The following ST18 variants were observed in gnomAD, a reference collection of about 807,000 sequenced individuals.
ST18 encodes the protein suppression of tumorigenicity 18 protein.
In ST18, 50 loss-of-function variants were observed where a neutral mutation model predicts 110.0. The ratio of observed to expected loss-of-function variants is 0.45; its 90% CI spans 0.36 to 0.58. The LOEUF (loss-of-function observed/expected upper bound fraction) is 0.58. ST18 is among the 20% of genes least tolerant of loss of function. The pLI, the probability that ST18 is intolerant of heterozygous loss-of-function variation, is 0.00. For synonymous variants in ST18, 461 were observed against 452.4 expected (o/e 1.02, Z -0.24); for missense variants, 1,306 against 1,280.1 (o/e 1.02, Z -0.31).
At chr8:52,365,113 T>TA (rs112561534) in intron 2 of ST18, among the ~76,000 whole-genome samples, 146,439 of 149,370 alleles carry the variant, frequency 0.98, 71,825 homozygotes, top group East Asian at 1. Context: ...GACTCTGTCT[T>TA]AAAAAAAAAA....
intron 8 of ST18, chr8:52,206,335 A>C (rs937928331): frequency 6.6e-6 from 1 of 152,254 alleles, no homozygotes; most frequent in Admixed American, 6.5e-5. Flanking sequence ...GCAAATACAT[A>C]AACATACAAG....
At chr8:52,345,658 C>A (rs771403480) in intron 2 of ST18, among the ~76,000 whole-genome samples, 1 of 152,196 alleles carries the variant, frequency 6.6e-6, no homozygotes, top group Non-Finnish European at 1.5e-5. Context: ...TCTACACAGG[C>A]AAAGCATGAC....
intron 8 of ST18, among the ~76,000 whole-genome samples, chr8:52,202,732 T>C (rs1682810555): frequency 6.6e-6 from 1 of 152,182 alleles, no homozygotes; most frequent in South Asian, 2.1e-4. Context: ...ATGCCAGGCA[T>C]GGCCTAGAAC....
At chr8:52,198,767 C>A (rs1455625181) in intron 8 of ST18, among the ~76,000 whole-genome samples, 1 of 152,202 alleles carries the variant, frequency 6.6e-6, no homozygotes, top group Non-Finnish European at 1.5e-5. Flanking sequence ...TTACAAATAA[C>A]TTGAAACAGA....
At chr8:52,263,901 C>G (rs1398029768) in intron 2 of ST18, among the ~76,000 whole-genome samples, 2 of 151,900 alleles carry the variant, frequency 1.3e-5, no homozygotes, top group African/African-American at 4.8e-5. Flanking sequence ...TGGATTCAAG[C>G]TATTCTCCTG....
At chr8:52,325,633 C>A (rs773502151) in intron 2 of ST18, among the ~76,000 whole-genome samples, 1 of 152,060 alleles carries the variant, frequency 6.6e-6, no homozygotes, top group Non-Finnish European at 1.5e-5. Flanking sequence ...CAGAATAATT[C>A]CTCTATGTTT....
chr8:52,382,851 C>T (rs1326796344), intron 2 of ST18, among the ~76,000 whole-genome samples: 1 of 151,644 alleles, frequency 6.6e-6, no homozygotes, highest in Non-Finnish European at 1.5e-5. Flanking sequence ...ACAGCACAGC[C>T]AGGAGAGATG....
intron 3 of ST18, among the ~76,000 whole-genome samples, chr8:52,227,136 G>A (rs956277527): frequency 2.6e-5 from 4 of 152,180 alleles, no homozygotes; most frequent in African/African-American, 9.6e-5. Flanking sequence ...GATTTTTGCA[G>A]AATGATCCTT....
In ST18 at chr8:52,128,227, C is replaced by T. The variant is rs139277502; in HGVS notation, c.2667-2087G>A. Among the ~76,000 whole-genome samples, 1,132 of 152,302 alleles carry T rather than the reference C, an allele frequency of 7.4e-3. 24 individuals are homozygous for T. Among genetic ancestry groups the T allele is most frequent in the African/African-American group, 0.026 (1,068 of 41,566 alleles). ...CAAGTGATCTGCCCGCCTTGGCCTC[C>T]CAAAGTGCTGGGATTACAGGCGTGA... On this transcript the variant is annotated intron_variant, in intron 22 of 25. Coordinates refer to ENST00000689386, the MANE Select transcript of ST18 (RefSeq NM_001352837.2).
intron 25 of ST18, among the ~76,000 whole-genome samples, chr8:52,113,954 GTTTTTTTTTTTTTTTTTTT>G (rs1158213340): frequency 4.6e-3 from 211 of 45,456 alleles, no homozygotes; most frequent in Middle Eastern, 0.033. Flanking sequence ...TTCATACCGT[GTTTTTTTTTTTTTTTTTTT>G]TTTTTTTTTT....
chr8:52,231,240 C>T (rs2091259894), intron 2 of ST18, among the ~76,000 whole-genome samples: 1 of 152,168 alleles, frequency 6.6e-6, no homozygotes, highest in South Asian at 2.1e-4. Context: ...AATGCAGACA[C>T]AGTGTGCCCT....
intron 2 of ST18, among the ~76,000 whole-genome samples, chr8:52,282,159 C>A (rs1318567395): frequency 6.6e-6 from 1 of 152,020 alleles, no homozygotes; most frequent in African/African-American, 2.4e-5. Flanking sequence ...GGGAGAGACA[C>A]CCTTCAATTC....
At chr8:52,295,204 A>G (rs930588639) in intron 2 of ST18, among the ~76,000 whole-genome samples, 3 of 152,222 alleles carry the variant, frequency 2.0e-5, no homozygotes, top group African/African-American at 7.2e-5. Context: ...GCAAAAATAG[A>G]CTTAGATTGG....
chr8:52,366,474 C>T (rs1254236675), intron 2 of ST18, among the ~76,000 whole-genome samples: 1 of 152,184 alleles, frequency 6.6e-6, no homozygotes, highest in African/African-American at 2.4e-5. Flanking sequence ...GCCTCACTGC[C>T]CACTCCAATA....
intron 2 of ST18, among the ~76,000 whole-genome samples, chr8:52,382,271 T>C (rs773654253): frequency 2.6e-5 from 4 of 152,162 alleles, no homozygotes; most frequent in Non-Finnish European, 5.9e-5. Context: ...CATAAATAAA[T>C]AGGGCTAGAG....
intron 9 of ST18, among the ~76,000 whole-genome samples, chr8:52,178,614 C>CAAAAAAAAAAAAAAAAAAAAAAAA (rs869184166): frequency 4.2e-4 from 1 of 2,384 alleles, no homozygotes; most frequent in African/African-American, 2.4e-3. Flanking sequence ...GAGACTCCAT[C>CAAAAAAAAAAAAAAAAAAAAAAAA]AAAAAAAAAA....
chr8:52,199,572 T>C (rs2077273433), intron 8 of ST18: 1 of 152,184 alleles, frequency 6.6e-6, no homozygotes, highest in African/African-American at 2.4e-5. Context: ...AGGCACAAAA[T>C]TATAAAAATT....
intron 2 of ST18, among the ~76,000 whole-genome samples, chr8:52,378,877 T>C (rs1406390836): frequency 1.3e-5 from 2 of 152,138 alleles, no homozygotes; most frequent in South Asian, 2.1e-4. Flanking sequence ...CATCAAACAT[T>C]GTCATGACAA....
chr8:52,343,008 G>T (rs1815870263), intron 2 of ST18, among the ~76,000 whole-genome samples: 5 of 152,128 alleles, frequency 3.3e-5, no homozygotes, highest in African/African-American at 1.2e-4. Context: ...GAAATACGTT[G>T]CCTACAGTCA....
Sources: allele counts gnomAD v4.1 joint callset (sites outside exome capture counted in the v4.1 genomes callset), GRCh38; gene constraint gnomAD v4.1.1; transcripts MANE v1.5; gene names NCBI Gene and HGNC (gene_info 2026-07-23, HGNC 2026-07-21).